KIF16B: variants seen among roughly 807,000 people sequenced by gnomAD.
The protein encoded by KIF16B is kinesin family member 16B.
A neutral mutation model predicts 156.3 loss-of-function variants in KIF16B; 98 were observed. The observed-to-expected ratio is 0.63, with a 90% CI of 0.53 to 0.74. The LOEUF is 0.74. Ranked by LOEUF, KIF16B falls within the 30% of genes least tolerant of loss-of-function variation. The probability of loss-of-function intolerance (pLI) is 0.00; values close to 1 mark genes in which losing one functional copy is unlikely to be tolerated. For synonymous variants in KIF16B, 564 were observed against 583.7 expected, an observed-to-expected ratio of 0.97 and a Z score of 0.49; for missense variants, 1,421 against 1,606.5, an observed-to-expected ratio of 0.88 and a Z score of 1.97.
At chr20:16,317,426 G>A (rs756553419) in intron 24 of KIF16B, among the ~76,000 whole-genome samples, 6 of 151,916 alleles carry the variant, frequency 3.9e-5, no homozygotes, top group Non-Finnish European at 8.8e-5. Context: ...CAAGATACTT[G>A]GGATTCAGTA....
At chr20:16,423,829 T>C (rs764983975) in intron 15 of KIF16B, among the ~76,000 whole-genome samples, 8 of 152,034 alleles carry the variant, frequency 5.3e-5, no homozygotes, top group South Asian at 2.1e-4. Context: ...CTAGACTCCA[T>C]ACAGGATTCA....
At chr20:16,324,868 A>G (rs1189658374) in intron 24 of KIF16B, among the ~76,000 whole-genome samples, 1 of 152,106 alleles carries the variant, frequency 6.6e-6, no homozygotes, top group African/African-American at 2.4e-5. Context: ...CTACAGGCCA[A>G]TATCCCTGAT....
At chr20:16,560,714 G>A (rs896046340) in intron 1 of KIF16B, among the ~76,000 whole-genome samples, 5 of 152,082 alleles carry the variant, frequency 3.3e-5, no homozygotes, top group African/African-American at 1.2e-4. Flanking sequence ...GGGCCTGGGA[G>A]GTCAACGCTG....
intron 25 of KIF16B, among the ~76,000 whole-genome samples, chr20:16,278,384 T>C (rs909479672): frequency 1.3e-5 from 2 of 152,244 alleles, no homozygotes; most frequent in African/African-American, 2.4e-5. Context: ...ATCAGATATC[T>C]ATCTAGGTTA....
At position 16,427,569 on chromosome 20, in the gene KIF16B, C is replaced by T. The variant is rs928926243; in HGVS notation, c.1475-328G>A. 6.6e-5 allele frequency among the ~76,000 whole-genome samples: 10 copies of T among 152,144 alleles called. No homozygotes were observed. The South Asian group carries it at 1.7e-3, about 25-fold the overall frequency. ...GTTTTAACTGAATACCATGGAGTTG[C>T]CCTGTTTGATACTGAATAAATTTCC... On this transcript the variant is annotated intron_variant, in intron 14 of 25. Coordinates refer to ENST00000354981, the MANE Select transcript of KIF16B (RefSeq NM_024704.5).
At chr20:16,387,208 C>T (rs770433465) in intron 17 of KIF16B, among the ~76,000 whole-genome samples, 3 of 152,098 alleles carry the variant, frequency 2.0e-5, no homozygotes, top group East Asian at 3.9e-4. Context: ...ATGAAGGGGC[C>T]GGTGGGCAAG....
intron 23 of KIF16B, among the ~76,000 whole-genome samples, chr20:16,351,016 T>C (rs2064329046): frequency 6.6e-6 from 1 of 151,958 alleles, no homozygotes; most frequent in African/African-American, 2.4e-5. Flanking sequence ...CTGTGAGCTG[T>C]GACCTTGGTT....
intron 1 of KIF16B, among the ~76,000 whole-genome samples, chr20:16,557,266 C>T (rs1421540013): frequency 6.6e-6 from 1 of 151,896 alleles, no homozygotes; most frequent in African/African-American, 2.4e-5. Flanking sequence ...CTGCAACCTC[C>T]GCCTCCCAGG....
At chr20:16,286,310 T>C (rs748511449) in intron 25 of KIF16B, among the ~76,000 whole-genome samples, 96 of 152,316 alleles carry the variant, frequency 6.3e-4, no homozygotes, top group Non-Finnish European at 1.1e-3. Flanking sequence ...CTTTTAAATT[T>C]TGATAGATAT....
chr20:16,504,950 A>G (rs1287493400), intron 9 of KIF16B, among the ~76,000 whole-genome samples: 1 of 152,192 alleles, frequency 6.6e-6, no homozygotes, highest in Non-Finnish European at 1.5e-5. Flanking sequence ...GAATATGATA[A>G]GTTTTGAAAA....
At chr20:16,330,367 G>A (rs2063926598) in intron 24 of KIF16B, among the ~76,000 whole-genome samples, 1 of 152,156 alleles carries the variant, frequency 6.6e-6, no homozygotes, top group Non-Finnish European at 1.5e-5. Flanking sequence ...GCTGAATGAT[G>A]GTTAAGGAAT....
At chr20:16,285,270 T>C (rs913379440) in intron 25 of KIF16B, among the ~76,000 whole-genome samples, 1 of 152,310 alleles carries the variant, frequency 6.6e-6, no homozygotes, top group Admixed American at 6.5e-5. Flanking sequence ...AATATTCCTG[T>C]TTTTAAAATT....
chr20:16,422,320 T>C (rs182345567), intron 15 of KIF16B, among the ~76,000 whole-genome samples: 7 of 152,260 alleles, frequency 4.6e-5, no homozygotes, highest in Non-Finnish European at 8.8e-5. Flanking sequence ...CTTTTGTCTT[T>C]TTGGTGTTTG....
At chr20:16,291,059 A>G (rs7271656) in intron 25 of KIF16B, among the ~76,000 whole-genome samples, 9,650 of 152,288 alleles carry the variant, frequency 0.063, 326 homozygotes, top group African/African-American at 0.074. Flanking sequence ...TACATCCAGC[A>G]CAGTACTTTG....
At chr20:16,524,507 A>C (rs1050706930) in intron 3 of KIF16B, among the ~76,000 whole-genome samples, 3 of 152,236 alleles carry the variant, frequency 2.0e-5, no homozygotes, top group Admixed American at 2.0e-4. Flanking sequence ...AATGGCGATC[A>C]TTAAAAAGTC....
chr20:16,477,038 C>T (rs1050103414), intron 12 of KIF16B, among the ~76,000 whole-genome samples: 1 of 152,098 alleles, frequency 6.6e-6, no homozygotes, highest in East Asian at 1.9e-4. Flanking sequence ...TGAGCCACTG[C>T]GCCGGGCCTG....
chr20:16,536,000 G>A (rs889994910), intron 1 of KIF16B, among the ~76,000 whole-genome samples: 2 of 152,042 alleles, frequency 1.3e-5, no homozygotes, highest in South Asian at 4.1e-4. Context: ...TTTATCCAAA[G>A]GAAAAGAAAT....
intron 15 of KIF16B, among the ~76,000 whole-genome samples, chr20:16,426,498 C>T (rs1482044143): frequency 6.6e-6 from 1 of 152,126 alleles, no homozygotes; most frequent in African/African-American, 2.4e-5. Flanking sequence ...GGACAAATGG[C>T]AAGACTTGAA....
intron 23 of KIF16B, among the ~76,000 whole-genome samples, chr20:16,355,910 T>G (rs1453145835): frequency 2.0e-5 from 3 of 152,234 alleles, no homozygotes; most frequent in Non-Finnish European, 4.4e-5. Context: ...CTGATATTCC[T>G]GTGACATAAA....
Sources: gnomAD v4.1 joint callset for allele counts (sites outside exome capture counted in the v4.1 genomes callset) on GRCh38, gnomAD v4.1.1 for gene constraint, MANE v1.5 for transcripts, NCBI Gene and HGNC (gene_info 2026-07-23, HGNC 2026-07-21) for gene names.